The following TMEM108 variants were observed in gnomAD, a reference collection of about 807,000 sequenced individuals.
The protein encoded by TMEM108 is transmembrane protein 108.
Under a neutral mutation model 35.1 loss-of-function variants are expected in TMEM108, and 12 were observed. The observed-to-expected ratio is 0.34, with a 90% CI of 0.22 to 0.55. The LOEUF (loss-of-function observed/expected upper bound fraction) is 0.55. Ranked by LOEUF, TMEM108 falls within the 20% of genes least tolerant of loss-of-function variation. The pLI, the probability that TMEM108 is intolerant of heterozygous loss-of-function variation, is 0.89. For missense variants in TMEM108, 680 were observed against 753.3 expected (o/e 0.90, Z 1.14); for synonymous variants, 287 against 308.6 (o/e 0.93, Z 0.73).
At chr3:133,323,708 A>G (rs374543108) in intron 3 of TMEM108, among the ~76,000 whole-genome samples, 2 of 152,156 alleles carry the variant, frequency 1.3e-5, no homozygotes, top group East Asian at 3.8e-4. Context: ...AAAAGACCCC[A>G]CATAGCCAAA....
At chr3:133,072,853 T>C (rs1365375029) in intron 2 of TMEM108, among the ~76,000 whole-genome samples, 1 of 152,078 alleles carries the variant, frequency 6.6e-6, no homozygotes, top group Non-Finnish European at 1.5e-5. Context: ...GTAATCTACT[T>C]TGTATCTCTG....
intron 1 of TMEM108, chr3:133,041,790 C>G (rs1943279627): frequency 2.0e-5 from 3 of 152,122 alleles, no homozygotes; most frequent in Non-Finnish European, 2.9e-5. Flanking sequence ...GCATGTGAAG[C>G]TAGTCTACAC....
intron 2 of TMEM108, among the ~76,000 whole-genome samples, chr3:133,082,014 A>G (rs1316517772): frequency 1.3e-5 from 2 of 152,204 alleles, no homozygotes; most frequent in Non-Finnish European, 2.9e-5. Flanking sequence ...GATCCTAAAG[A>G]CACCCACAGC....
chr3:133,207,088 G>C (rs2107834721), intron 2 of TMEM108, among the ~76,000 whole-genome samples: 1 of 152,298 alleles, frequency 6.6e-6, no homozygotes, highest in South Asian at 2.1e-4. Flanking sequence ...CTTCCCAGTG[G>C]CTTTGTTTAC....
chr3:133,124,666 T>C (rs963716598), intron 2 of TMEM108, among the ~76,000 whole-genome samples: 2 of 152,216 alleles, frequency 1.3e-5, no homozygotes, highest in Non-Finnish European at 2.9e-5. Flanking sequence ...TTAGAGGGGC[T>C]GGAACAGGCT....
chr3:133,232,889 G>A (rs1946174393), intron 3 of TMEM108, among the ~76,000 whole-genome samples: 2 of 152,048 alleles, frequency 1.3e-5, no homozygotes. Context: ...GAGCCTTTAT[G>A]GTTATATAAA....
chr3:133,197,371 C>T (rs886579304), intron 2 of TMEM108, among the ~76,000 whole-genome samples: 1 of 152,006 alleles, frequency 6.6e-6, no homozygotes, highest in Admixed American at 6.5e-5. Flanking sequence ...ACCAGGGATC[C>T]GCAGTGGTAG....
chr3:133,286,443 C>G (rs1479154893), intron 3 of TMEM108, among the ~76,000 whole-genome samples: 1 of 152,170 alleles, frequency 6.6e-6, no homozygotes, highest in African/African-American at 2.4e-5. Context: ...AAGGGACCCT[C>G]CCACCTCAGC....
intron 3 of TMEM108, among the ~76,000 whole-genome samples, chr3:133,280,223 A>G (rs544320900): frequency 6.6e-6 from 1 of 152,334 alleles, no homozygotes; most frequent in African/African-American, 2.4e-5. Context: ...AAATCAGGAA[A>G]GTCAACATGT....
At chr3:133,073,510 C>CTATA (rs1183039173) in intron 2 of TMEM108, among the ~76,000 whole-genome samples, 88 of 43,866 alleles carry the variant, frequency 2.0e-3, no homozygotes, top group East Asian at 3.2e-3. Flanking sequence ...CTCTCTCTCT[C>CTATA]TATATATATA....
chr3:133,098,166 G>A (rs1944040516), intron 2 of TMEM108, among the ~76,000 whole-genome samples: 1 of 152,194 alleles, frequency 6.6e-6, no homozygotes, highest in East Asian at 1.9e-4. Flanking sequence ...ACATGGCTGG[G>A]GAGGCCTCAG....
At chr3:133,373,394 ATAGATAG>A (rs2072738846) in intron 3 of TMEM108, among the ~76,000 whole-genome samples, 4 of 83,452 alleles carry the variant, frequency 4.8e-5, no homozygotes, top group Non-Finnish European at 1.1e-4. Context: ...TGATAGATAG[ATAGATAG>A]ATAGATAGAT....
intron 2 of TMEM108, among the ~76,000 whole-genome samples, chr3:133,151,777 A>C (rs1944804923): frequency 6.6e-6 from 1 of 152,146 alleles, no homozygotes; most frequent in African/African-American, 2.4e-5. Flanking sequence ...TAAATATTTT[A>C]ATTGTAGATT....
chr3:133,124,226 C>T (rs1291223730), intron 2 of TMEM108, among the ~76,000 whole-genome samples: 1 of 152,016 alleles, frequency 6.6e-6, no homozygotes, highest in African/African-American at 2.4e-5. Context: ...TTCCTGATAC[C>T]AAAATAACCG....
intron 2 of TMEM108, among the ~76,000 whole-genome samples, chr3:133,050,382 AG>A (rs1943389197): frequency 6.6e-6 from 1 of 152,144 alleles, no homozygotes; most frequent in South Asian, 2.1e-4. Context: ...CAAAATTGAG[AG>A]GAAGATACAG....
At chr3:133,105,266 G>T (rs1379467627) in intron 2 of TMEM108, among the ~76,000 whole-genome samples, 2 of 152,148 alleles carry the variant, frequency 1.3e-5, no homozygotes, top group Non-Finnish European at 2.9e-5. Flanking sequence ...GCTGTCAGCG[G>T]CAGGTCATTC....
intron 3 of TMEM108, among the ~76,000 whole-genome samples, chr3:133,332,767 T>A (rs1169783201): frequency 6.6e-6 from 1 of 152,222 alleles, no homozygotes; most frequent in Non-Finnish European, 1.5e-5. Flanking sequence ...AGTTGATCAT[T>A]CACACTGCAT....
chr3:133,232,383 T>C (rs2107654242), intron 3 of TMEM108, among the ~76,000 whole-genome samples: 1 of 152,276 alleles, frequency 6.6e-6, no homozygotes, highest in Non-Finnish European at 1.5e-5. Context: ...TCACTCACCA[T>C]GTGATCTCTG....
chr3:133,199,780 ACT>A (rs1229891120), intron 2 of TMEM108, among the ~76,000 whole-genome samples: 2 of 151,898 alleles, frequency 1.3e-5, no homozygotes, highest in Admixed American at 6.6e-5. Context: ...GAGAACCACT[ACT>A]CTCTTCAAAG....
Sources: allele counts gnomAD v4.1 joint callset (sites outside exome capture counted in the v4.1 genomes callset), GRCh38; gene constraint gnomAD v4.1.1; transcripts MANE v1.5; gene names NCBI Gene and HGNC (gene_info 2026-07-23, HGNC 2026-07-21).